Variants in XPO6 observed in about 807,000 individuals in gnomAD.
XPO6 encodes exportin 6, also known as exportin-6.
Under a neutral mutation model 130.0 loss-of-function variants are expected in XPO6, and 3 were observed. The ratio of observed to expected loss-of-function variants is 0.02; its 90% CI spans 0.01 to 0.06. XPO6 has a LOEUF of 0.06. Among genes scored for constraint, XPO6 ranks in the 10% least tolerant of loss-of-function variants. The pLI is 1.00. For synonymous variants in XPO6, 524 were observed against 548.9 expected (o/e 0.95, Z 0.63); for missense variants, 970 against 1,393.0 (o/e 0.70, Z 4.83).
In XPO6 at chr16:28,166,503, C is replaced by T; in HGVS notation, c.643+5G>A. The T allele has an allele frequency of 6.3e-7, 1 of 1,581,678 alleles. No homozygotes were observed. Among genetic ancestry groups the T allele is most frequent in the Non-Finnish European group, 8.6e-7 (1 of 1,162,182 alleles). ...AGAATGCCTTGGCTGGCAGGCAGAC[C>T]ATACCACTTTCTCCTGAGGTCGGGG... On this transcript the variant is annotated splice_donor_5th_base_variant and intron_variant, in intron 6 of 23. Transcript: ENST00000304658.
At chr16:28,098,763 C>G (rs1032681765) in intron 23 of XPO6, 124 bp from the exon 24 acceptor site, 1 of 630,922 alleles carries the variant, frequency 1.6e-6, no homozygotes, top group Non-Finnish European at 2.7e-6. Flanking sequence ...AAACTCAAAA[C>G]TTCTATTCAC....
intron 5 of XPO6, among the ~76,000 whole-genome samples, chr16:28,168,602 CTTTTTT>C (rs371113316): frequency 2.8e-5 from 4 of 142,396 alleles, no homozygotes; most frequent in South Asian, 2.2e-4. Flanking sequence ...TTTTCTTTTT[CTTTTTT>C]TTTTTTTTAA....
At chr16:28,177,909 G>A (rs1476744425) in intron 2 of XPO6, among the ~76,000 whole-genome samples, 2 of 152,196 alleles carry the variant, frequency 1.3e-5, no homozygotes, top group African/African-American at 4.8e-5. Context: ...AAAGTGAATC[G>A]ACCGGTGGCA....
chr16:28,164,276 G>C (rs150864912), intron 6 of XPO6, among the ~76,000 whole-genome samples: 1 of 152,054 alleles, frequency 6.6e-6, no homozygotes, highest in Admixed American at 6.5e-5. Flanking sequence ...AAACTGATAC[G>C]GTCAAGAAAG....
chr16:28,189,918 G>A (rs1014758204), intron 1 of XPO6, among the ~76,000 whole-genome samples: 2 of 152,112 alleles, frequency 1.3e-5, no homozygotes, highest in Non-Finnish European at 2.9e-5. Context: ...TTATTTCTTG[G>A]GTTTGCACAA....
intron 1 of XPO6, chr16:28,183,362 T>C (rs1309742198): frequency 6.7e-6 from 1 of 149,896 alleles, no homozygotes; most frequent in Non-Finnish European, 1.5e-5. Flanking sequence ...CTGTTTGCAG[T>C]CAGTTACAGA....
intron 14 of XPO6, among the ~76,000 whole-genome samples, chr16:28,118,095 C>A (rs558341865): frequency 6.6e-6 from 1 of 152,288 alleles, no homozygotes; most frequent in South Asian, 2.1e-4. Flanking sequence ...TTCAAAACAC[C>A]AAGCCTTCCA....
At chr16:28,120,571 C>A (rs2087207108) in intron 14 of XPO6, among the ~76,000 whole-genome samples, 1 of 152,094 alleles carries the variant, frequency 6.6e-6, no homozygotes, top group Admixed American at 6.6e-5. Flanking sequence ...CTCCTCAAGG[C>A]TGAAAGGAGG....
intron 9 of XPO6, among the ~76,000 whole-genome samples, chr16:28,136,046 T>G (rs761556186): frequency 1.3e-5 from 2 of 152,206 alleles, no homozygotes; most frequent in Non-Finnish European, 2.9e-5. Flanking sequence ...ATTTCATGCT[T>G]TTAACAGCTG....
In XPO6 at chr16:28,101,289, A is replaced by C. The variant is rs1420537903; in HGVS notation, c.3276+169T>G. On this transcript the variant is annotated intron_variant, in intron 23 of 23. Transcript: ENST00000304658. This position sits in a 1 kb window ranked among gnomAD's most constrained non-coding sequence, Gnocchi z 5.4. ...GACTGGGGAAAAGGCTGTGCCCCTC[A>C]ATCAGGCTACAGCACCAGGTCAGCA... is the stretch of plus-strand genomic sequence containing the variant. 2 of 699,082 alleles carry C rather than the reference A, an allele frequency of 2.9e-6. No individual in the cohort carries two copies. Among genetic ancestry groups the C allele is most frequent in the Admixed American group, 4.0e-5 (2 of 49,418 alleles). The allele number at this position is 699,082 out of a possible 1,614,324, so 43.3% of individuals were successfully genotyped here.
At chr16:28,111,703 G>T in intron 17 of XPO6, 114 bp downstream of exon 17, 3 of 1,187,760 alleles carry the variant, frequency 2.5e-6, no homozygotes, top group Non-Finnish European at 3.5e-6. Flanking sequence ...GCCTCTGTGG[G>T]ACTATGAACA....
intron 21 of XPO6, among the ~76,000 whole-genome samples, chr16:28,104,321 T>C (rs1334960887): frequency 1.3e-5 from 2 of 152,210 alleles, no homozygotes; most frequent in Admixed American, 1.3e-4. Flanking sequence ...TCATGCACTT[T>C]GTGTATGTCA....
intron 6 of XPO6, among the ~76,000 whole-genome samples, chr16:28,160,403 C>A (rs2043256811): frequency 6.7e-6 from 1 of 149,164 alleles, no homozygotes; most frequent in Non-Finnish European, 1.5e-5. Flanking sequence ...ACTCAGGAGG[C>A]TGAGGCAGGA....
chr16:28,170,107 CG>C (rs1202139921), intron 4 of XPO6, among the ~76,000 whole-genome samples, 198 bp from the exon 5 acceptor site: 1 of 151,960 alleles, frequency 6.6e-6, no homozygotes, highest in African/African-American at 2.4e-5. Flanking sequence ...CTGAGACGGG[CG>C]GATCACCTGA....
At chr16:28,176,217 G>T in intron 3 of XPO6, 122 bp from the exon 4 acceptor site, 1 of 790,618 alleles carries the variant, frequency 1.3e-6, no homozygotes, top group Non-Finnish European at 2.0e-6. Flanking sequence ...AAAGGTTTGG[G>T]GCAATATGGC....
At chr16:28,142,110 C>T (rs1338522809) in intron 9 of XPO6, among the ~76,000 whole-genome samples, 1 of 152,224 alleles carries the variant, frequency 6.6e-6, no homozygotes, top group Non-Finnish European at 1.5e-5. Context: ...GTGACTTAAC[C>T]ACACCTACAT....
At chr16:28,176,720 G>C (rs1163133635) in intron 3 of XPO6, among the ~76,000 whole-genome samples, 2 of 150,162 alleles carry the variant, frequency 1.3e-5, no homozygotes, top group Non-Finnish European at 3.0e-5. Flanking sequence ...TTATTAGCCA[G>C]GATGGTCTCC....
chr16:28,149,087 G>C (rs921614402), intron 8 of XPO6, among the ~76,000 whole-genome samples: 1 of 151,380 alleles, frequency 6.6e-6, no homozygotes, highest in Non-Finnish European at 1.5e-5. Flanking sequence ...AAGGAAGGTG[G>C]ATCTTAAGGC....
At chr16:28,186,108 G>A (rs1335697068) in intron 1 of XPO6, among the ~76,000 whole-genome samples, 1 of 151,942 alleles carries the variant, frequency 6.6e-6, no homozygotes. Flanking sequence ...AGAAGCAGAA[G>A]GGTGACATAA....
Sources: gnomAD v4.1 joint callset for allele counts (sites outside exome capture counted in the v4.1 genomes callset) on GRCh38, gnomAD v4.1.1 for gene constraint, Gnocchi (gnomAD v3.1) non-coding constraint, MANE v1.5 for transcripts, NCBI Gene and HGNC (gene_info 2026-07-23, HGNC 2026-07-21) for gene names.